EEF1AKMT2: variants seen among roughly 807,000 people sequenced by gnomAD.
EEF1AKMT2 encodes the protein eukaryotic translation elongation factor 1 alpha lysine methyltransferase 2.
Under a neutral mutation model 35.8 loss-of-function variants are expected in EEF1AKMT2, and 32 were observed. That is an observed-to-expected ratio of 0.89 (90% confidence interval 0.67 to 1.20). The LOEUF (loss-of-function observed/expected upper bound fraction) is 1.20, where lower values mean the gene tolerates loss of function less well. EEF1AKMT2 is among the 50% of genes most tolerant of loss of function. The probability of loss-of-function intolerance (pLI) is 0.00; values close to 1 mark genes in which losing one functional copy is unlikely to be tolerated. For synonymous variants in EEF1AKMT2, 121 were observed against 133.7 expected (o/e 0.91, Z 0.65); for missense variants, 330 against 347.5 (o/e 0.95, Z 0.40).
intron 4 of EEF1AKMT2, among the ~76,000 whole-genome samples, chr10:124,768,349 C>G (rs939967988): frequency 6.6e-6 from 1 of 152,082 alleles, no homozygotes; most frequent in Non-Finnish European, 1.5e-5. Context: ...TGGCTCATGC[C>G]CATAATCCCA....
At chr10:124,771,983 C>CA (rs1268287874) in intron 4 of EEF1AKMT2, among the ~76,000 whole-genome samples, 1 of 152,084 alleles carries the variant, frequency 6.6e-6, no homozygotes, top group African/African-American at 2.4e-5. Context: ...CAGTAGGTCT[C>CA]AAAAATGGGC....
chr10:124,765,211 T>G (rs1435374331), intron 5 of EEF1AKMT2, among the ~76,000 whole-genome samples, 181 bp downstream of exon 5: 1 of 152,246 alleles, frequency 6.6e-6, no homozygotes, highest in East Asian at 1.9e-4. Flanking sequence ...TCAACCAATG[T>G]TATTTCTCTG....
intron 3 of EEF1AKMT2, among the ~76,000 whole-genome samples, chr10:124,777,906 T>C (rs996900141): frequency 2.0e-5 from 3 of 152,170 alleles, no homozygotes; most frequent in African/African-American, 7.2e-5. Flanking sequence ...GTATATGTGG[T>C]ACATTTCAAC....
At chr10:124,770,050 A>C (rs1221299934) in intron 4 of EEF1AKMT2, among the ~76,000 whole-genome samples, 1 of 151,952 alleles carries the variant, frequency 6.6e-6, no homozygotes, top group Non-Finnish European at 1.5e-5. Flanking sequence ...TGGGAGGCCA[A>C]GGTGGAGGGA....
At chr10:124,791,247 G>C (rs1300790266) in intron 1 of EEF1AKMT2, among the ~76,000 whole-genome samples, 3 of 151,874 alleles carry the variant, frequency 2.0e-5, no homozygotes, top group Non-Finnish European at 2.9e-5. Flanking sequence ...TTCACCCCAA[G>C]ATCCCCCACT....
chr10:124,767,554 T>C (rs1346128383), intron 4 of EEF1AKMT2, among the ~76,000 whole-genome samples: 2 of 147,878 alleles, frequency 1.4e-5, no homozygotes, highest in Non-Finnish European at 3.0e-5. Flanking sequence ...AAAGAAAATA[T>C]ACCTTATATT....
Position 124,765,387 on chromosome 10 carries a change from C to A in EEF1AKMT2, c.616+5G>T. The A allele has an allele frequency of 2.5e-6, 4 of 1,612,270 alleles. No homozygotes were observed. Among genetic ancestry groups the A allele is most frequent in the Non-Finnish European group, 3.4e-6 (4 of 1,178,478 alleles). ...CACACATTTAAACACCATATAGTCA[C>A]TTACCTTCACTGAATTCATTTAGCA... On this transcript the variant is annotated splice_donor_5th_base_variant and intron_variant, in intron 5 of 6. Coordinates refer to ENST00000368836, the MANE Select transcript of EEF1AKMT2 (RefSeq NM_212554.4).
chr10:124,789,239 A>C, intron 2 of EEF1AKMT2, 82 bp from the exon 3 acceptor site: 1 of 834,732 alleles, frequency 1.2e-6, no homozygotes, highest in Non-Finnish European at 1.9e-6. Flanking sequence ...TTTATACCAT[A>C]TGCTCAAACT....
At chr10:124,769,946 C>CAAA (rs71484588) in intron 4 of EEF1AKMT2, among the ~76,000 whole-genome samples, 24,357 of 60,096 alleles carry the variant, frequency 0.41, 5,078 homozygotes, top group Middle Eastern at 0.58. Context: ...AACTCCATCT[C>CAAA]AAAAAAAAAA....
chr10:124,782,873 C>T (rs972075651), intron 3 of EEF1AKMT2: 8 of 283,960 alleles, frequency 2.8e-5, no homozygotes, highest in East Asian at 2.0e-4. Flanking sequence ...TAAATCCAAA[C>T]GTATCAATAA....
At chr10:124,771,824 G>A (rs1564903645) in intron 4 of EEF1AKMT2, among the ~76,000 whole-genome samples, 1 of 152,066 alleles carries the variant, frequency 6.6e-6, no homozygotes, top group South Asian at 2.1e-4. Context: ...AGCTGAGATC[G>A]AGTCACTACA....
At chr10:124,784,643 A>G (rs1162075878) in intron 3 of EEF1AKMT2, among the ~76,000 whole-genome samples, 1 of 152,172 alleles carries the variant, frequency 6.6e-6, no homozygotes, top group Admixed American at 6.5e-5. Flanking sequence ...TAAAAACATA[A>G]AAATAGGCAG....
At chr10:124,769,818 A>T (rs1331047158) in intron 4 of EEF1AKMT2, among the ~76,000 whole-genome samples, 2 of 151,726 alleles carry the variant, frequency 1.3e-5, no homozygotes, top group Non-Finnish European at 2.9e-5. Flanking sequence ...ATGGTGGCAC[A>T]TGCCTATAAT....
Position 124,791,863 on chromosome 10 carries a change from GC to G in EEF1AKMT2, c.-31del, listed in dbSNP as rs1432529685. ...CTCCACGTCCTGGACGGCCGTTGGG[GC>G]CGCCATAGAGACGGGGCACAGGCAG... is the stretch of plus-strand genomic sequence containing the variant. On this transcript the variant is annotated 5_prime_UTR_variant, in exon 1 of 7. Transcript: ENST00000368836. 1.3e-6 allele frequency: 2 copies of G among 1,539,858 alleles called. No homozygotes were observed. Among genetic ancestry groups the G allele is most frequent in the Non-Finnish European group, 1.7e-6 (2 of 1,149,030 alleles).
At chr10:124,786,129 AT>A (rs1255209551) in intron 3 of EEF1AKMT2, among the ~76,000 whole-genome samples, 1 of 152,032 alleles carries the variant, frequency 6.6e-6, no homozygotes, top group Non-Finnish European at 1.5e-5. Flanking sequence ...GAAATGTCTT[AT>A]TTTTTGGTCA....
intron 3 of EEF1AKMT2, among the ~76,000 whole-genome samples, chr10:124,786,746 G>A (rs550605420): frequency 3.1e-4 from 46 of 148,846 alleles, no homozygotes; most frequent in African/African-American, 1.0e-3. Context: ...GGAAGCAGAG[G>A]CTGCAGTGAG....
chr10:124,775,061 C>CA (rs1179173385), intron 3 of EEF1AKMT2, among the ~76,000 whole-genome samples: 1 of 151,646 alleles, frequency 6.6e-6, no homozygotes, highest in Non-Finnish European at 1.5e-5. Context: ...AGCCCTCAGG[C>CA]AAAAAAAGGT....
chr10:124,788,719 T>C (rs1261161533), intron 3 of EEF1AKMT2, among the ~76,000 whole-genome samples: 1 of 102,626 alleles, frequency 9.7e-6, no homozygotes, highest in African/African-American at 4.0e-5. Context: ...TTTATATATA[T>C]ATATATATAT....
intron 3 of EEF1AKMT2, among the ~76,000 whole-genome samples, chr10:124,775,922 CT>C (rs1265971518): frequency 1.6e-3 from 227 of 144,562 alleles, no homozygotes; most frequent in Non-Finnish European, 1.5e-3. Context: ...CCGGTTCCTT[CT>C]TTTTTTTTTT....
Sources: gnomAD v4.1 joint callset for allele counts (sites outside exome capture counted in the v4.1 genomes callset) on GRCh38, gnomAD v4.1.1 for gene constraint, MANE v1.5 for transcripts, NCBI Gene and HGNC (gene_info 2026-07-23, HGNC 2026-07-21) for gene names.